Variants in SDR42E1 observed in about 807,000 individuals in gnomAD.
SDR42E1 encodes short-chain dehydrogenase/reductase family 42E member 1.
Under a neutral mutation model 2.6 loss-of-function variants are expected in SDR42E1, and 5 were observed. That is an observed-to-expected ratio of 1.94 (90% confidence interval 1.01 to 4.08). The LOEUF is 4.08. SDR42E1 is among the 30% of genes most tolerant of loss of function. The pLI is 0.00. For missense variants in SDR42E1, 596 were observed against 478.6 expected, an observed-to-expected ratio of 1.25 and a Z score of -2.29; for synonymous variants, 231 against 188.3, an observed-to-expected ratio of 1.23 and a Z score of -1.86.
At chr16:82,005,363 A>G (rs1912900176) in intron 1 of SDR42E1, among the ~76,000 whole-genome samples, 1 of 152,216 alleles carries the variant, frequency 6.6e-6, no homozygotes, top group African/African-American at 2.4e-5. Flanking sequence ...AAGAAAAATT[A>G]ATAACTTAAC....
rs1165058501 is a variant in SDR42E1 at position 81,988,997 on chromosome 16, T to C, written c.*10114A>G. ...AAAATCAGTTCACAATAACTTCTAATACATCTGTTATGAAAAATGCTTAAT... is the reference window on the plus strand; with the variant it reads ...AAAATCAGTTCACAATAACTTCTAACACATCTGTTATGAAAAATGCTTAAT... On this transcript the variant is annotated 3_prime_UTR_variant, in exon 3 of 3. Transcript: ENST00000328945. 6.6e-6 allele frequency: 1 copy of C among 152,236 alleles called. No individual in the cohort carries two copies. The highest frequency in any genetic ancestry group is 1.5e-5 in the Non-Finnish European group (1 of 68,042). 9.4% of individuals were successfully genotyped at this position (152,236 alleles called of 1,614,324 possible).
In SDR42E1 at chr16:82,000,815, C is replaced by T; in HGVS notation, c.44G>A (p.Gly15Glu). The change falls in exon 2 of 3, where the codon GGA becomes GAA. Residue 15 changes from glycine (G) to glutamate (E), a missense_variant. Gly to Glu is a moderately conservative substitution (Grantham distance 98). Coordinates refer to ENST00000328945, the MANE Select transcript of SDR42E1 (RefSeq NM_145168.3). ...RSQKESVLITGGSGYFGFRLG... is the reference protein window; with the variant it reads ...RSQKESVLITEGSGYFGFRLG... ...CCGAAAACCAAAATAGCCACTTCCT[C>T]CTGTAATGAGGACACTTTCCTTTTG... 1 of 1,613,860 alleles carries T rather than the reference C, an allele frequency of 6.2e-7. No individual in the cohort carries two copies. Among genetic ancestry groups the T allele is most frequent in the Non-Finnish European group, 8.5e-7 (1 of 1,179,922 alleles).
chr16:81,999,034 A>G lies in SDR42E1; in HGVS notation c.*77T>C. The stretch of plus-strand genomic sequence containing the variant: ...GAGCCAATGTTTGGCACCAGATATC[A>G]CTGTACACATTTTAAAACCCATGTT... On this transcript the variant is annotated 3_prime_UTR_variant, in exon 3 of 3. Coordinates refer to ENST00000328945, the MANE Select transcript of SDR42E1 (RefSeq NM_145168.3). 2 of 1,465,116 alleles carry G rather than the reference A, an allele frequency of 1.4e-6. No homozygotes were observed. Among genetic ancestry groups the G allele is most frequent in the Non-Finnish European group, 9.2e-7 (1 of 1,085,984 alleles). 90.8% of individuals were successfully genotyped at this position (1,465,116 alleles called of 1,614,324 possible). A position where few individuals can be genotyped will look rare whatever the true frequency, so the allele number is the denominator to read the frequency against.
chr16:82,004,174 T>C (rs10514521), intron 1 of SDR42E1, among the ~76,000 whole-genome samples: 9,586 of 152,092 alleles, frequency 0.063, 412 homozygotes, highest in Non-Finnish European at 0.087. Flanking sequence ...AATGTTGGTA[T>C]AAACAAAGTG....
At position 81,994,967 on chromosome 16, in the gene SDR42E1, C is replaced by T; in HGVS notation, c.*4144G>A. The T allele has an allele frequency of 6.6e-6, 1 of 152,184 alleles. No individual in the cohort carries two copies. The highest frequency in any genetic ancestry group is 1.9e-4 in the East Asian group (1 of 5,196). 9.4% of individuals were successfully genotyped at this position (152,184 alleles called of 1,614,324 possible). ...TTTGGTGCCAGAATGAGTTATTTGA[C>T]CCTCCACTAACTGTTACTGCTTGTA... On this transcript the variant is annotated 3_prime_UTR_variant, in exon 3 of 3. Transcript: ENST00000328945.
rs762958382 is a variant in SDR42E1, at chr16:82,000,183, A to C, written c.110T>G (p.Leu37Arg). The C allele has an allele frequency of 6.2e-7, 1 of 1,611,386 alleles. No homozygotes were observed. Reference sequence around the variant, plus strand: ...TTGAGCAGGGCTGCTGATGTCAAACAGAATCACATGGACTCCATTTTGGTT... The same window carrying C: ...TTGAGCAGGGCTGCTGATGTCAAACCGAATCACATGGACTCCATTTTGGTT... Reference protein sequence around the residue: ...ALNQNGVHVILFDISSPAQTI... With the variant: ...ALNQNGVHVIRFDISSPAQTI... Residue 37 changes from leucine to arginine, a missense_variant, in exon 3 of 3, where the codon CTG (leucine) becomes CGG (arginine). Physicochemically the swap from Leu to Arg is moderately radical, Grantham distance 102. Transcript: ENST00000328945.
In SDR42E1 at chr16:81,996,674, G is replaced by A. The variant is rs750906243; in HGVS notation, c.*2437C>T. The stretch of plus-strand genomic sequence containing the variant: ...AAATGGAGGCCATGGGCTTAGGTGA[G>A]CTCACCTAGGGAGAAAGTATGGTAT... On this transcript the variant is annotated 3_prime_UTR_variant, in exon 3 of 3. Coordinates refer to ENST00000328945, the MANE Select transcript of SDR42E1 (RefSeq NM_145168.3). The A allele has an allele frequency of 2.0e-5, 3 of 152,164 alleles. No individual in the cohort carries two copies. Among genetic ancestry groups the A allele is most frequent in the Admixed American group, 6.5e-5 (1 of 15,276 alleles). 9.4% of individuals were successfully genotyped at this position (152,164 alleles called of 1,614,324 possible).
intron 1 of SDR42E1, among the ~76,000 whole-genome samples, chr16:82,003,539 C>T (rs1048471833): frequency 2.0e-5 from 3 of 152,232 alleles, no homozygotes; most frequent in Non-Finnish European, 4.4e-5. Flanking sequence ...CTTTCCTTAT[C>T]TTGAAGATGC....
In SDR42E1 at chr16:81,993,731, C is replaced by T. The variant is rs959469860; in HGVS notation, c.*5380G>A. The T allele has an allele frequency of 6.6e-6, 1 of 152,154 alleles. No individual in the cohort carries two copies. The highest frequency in any genetic ancestry group is 2.4e-5 in the African/African-American group (1 of 41,416). 9.4% of individuals were successfully genotyped at this position (152,154 alleles called of 1,614,324 possible). ...ATGAAGGGTACAGAAGTAGAAAAAA[C>T]AGACATGGTTCCTGCTCTCATGGGG... On this transcript the variant is annotated 3_prime_UTR_variant, in exon 3 of 3. Coordinates refer to ENST00000328945, the MANE Select transcript of SDR42E1 (RefSeq NM_145168.3).
chr16:82,003,849 C>A (rs963155314), intron 1 of SDR42E1, among the ~76,000 whole-genome samples: 5 of 152,202 alleles, frequency 3.3e-5, no homozygotes, highest in African/African-American at 1.2e-4. Flanking sequence ...GAATCCAGAA[C>A]ATAGTAGATG....
chr16:82,010,588 G>A (rs1283835072), intron 1 of SDR42E1, among the ~76,000 whole-genome samples: 6 of 152,172 alleles, frequency 3.9e-5, no homozygotes, highest in East Asian at 1.9e-4. Flanking sequence ...TTCCTTTGGA[G>A]AGGCTAATCA....
intron 1 of SDR42E1, among the ~76,000 whole-genome samples, chr16:82,009,931 T>C (rs1031447973): frequency 6.6e-6 from 1 of 152,234 alleles, no homozygotes; most frequent in African/African-American, 2.4e-5. Context: ...GGGGTGGGTT[T>C]TTCCCATGCC....
intron 1 of SDR42E1, among the ~76,000 whole-genome samples, chr16:82,003,350 C>G (rs1193005186): frequency 2.0e-5 from 3 of 152,160 alleles, no homozygotes; most frequent in Non-Finnish European, 4.4e-5. Flanking sequence ...GCCATAAAAC[C>G]AAATGCAGTC....
chr16:82,000,993 G>C, intron 1 of SDR42E1, 109 bp from the exon 2 acceptor site: 4 of 666,122 alleles, frequency 6.0e-6, no homozygotes, highest in South Asian at 5.7e-5. Context: ...AGAATGAAAA[G>C]GTGAGGTCTG....
rs1437316956 is a variant in SDR42E1, at chr16:81,999,528, T to C, written c.765A>G (p.Ser255=). Residue 255 remains serine, a synonymous_variant, in exon 3 of 3, where the codon TCA becomes TCG. Coordinates refer to ENST00000328945, the MANE Select transcript of SDR42E1 (RefSeq NM_145168.3). The part of the protein sequence containing the change: ...HIASGQPYFI[S]DGRPVNNFEF... ...CAAAGTTGTTCACGGGTCTGCCATC[T>C]GAGATGAAGTAGGGCTGCCCAGAGG... is the stretch of plus-strand genomic sequence containing the variant. 2 of 1,614,060 alleles carry C rather than the reference T, an allele frequency of 1.2e-6. No individual in the cohort carries two copies. Among genetic ancestry groups the C allele is most frequent in the East Asian group, 2.2e-5 (1 of 44,898 alleles).
rs1912491745 is a variant in SDR42E1 at position 81,994,231 on chromosome 16, C to T, written c.*4880G>A. On this transcript the variant is annotated 3_prime_UTR_variant, in exon 3 of 3. Coordinates refer to ENST00000328945, the MANE Select transcript of SDR42E1 (RefSeq NM_145168.3). The stretch of plus-strand genomic sequence containing the variant: ...GTGTAGTCACCAGGACCTCCTCCCT[C>T]TCCATTTTTTGGCTCTTCTTAACAC... 6.6e-6 allele frequency: 1 copy of T among 152,256 alleles called. No homozygotes were observed. Among genetic ancestry groups the T allele is most frequent in the African/African-American group, 2.4e-5 (1 of 41,448 alleles). 9.4% of individuals were successfully genotyped at this position (152,256 alleles called of 1,614,324 possible). A position where few individuals can be genotyped will look rare whatever the true frequency, so the allele number is the denominator to read the frequency against.
At chr16:82,005,528 T>C (rs921957696) in intron 1 of SDR42E1, among the ~76,000 whole-genome samples, 1 of 152,180 alleles carries the variant, frequency 6.6e-6, no homozygotes, top group East Asian at 1.9e-4. Context: ...TTTGCAGACC[T>C]GCCCCCACCC....
In SDR42E1 at chr16:82,000,994, G is replaced by C. The variant is rs776573582; in HGVS notation, c.-26-110C>G. On this transcript the variant is annotated intron_variant, in intron 1 of 2. Coordinates refer to ENST00000328945, the MANE Select transcript of SDR42E1 (RefSeq NM_145168.3). Reference sequence around the variant, plus strand: ...CAATACGCTGTAGTAGAATGAAAAGGTGAGGTCTGGGTCTGGTCACAGCTG... The same window carrying C: ...CAATACGCTGTAGTAGAATGAAAAGCTGAGGTCTGGGTCTGGTCACAGCTG... 3 of 666,794 alleles carry C rather than the reference G, an allele frequency of 4.5e-6. No homozygotes were observed. The African/African-American group carries it at 5.5e-5, about 12-fold the overall frequency. 41.3% of individuals were successfully genotyped at this position (666,794 alleles called of 1,614,324 possible). A position where few individuals can be genotyped will look rare whatever the true frequency, so the allele number is the denominator to read the frequency against.
chr16:82,008,071 C>A (rs1913006367), intron 1 of SDR42E1, among the ~76,000 whole-genome samples: 1 of 152,154 alleles, frequency 6.6e-6, no homozygotes, highest in Non-Finnish European at 1.5e-5. Context: ...TAGTAAGTCC[C>A]ACAACATCTG....
Sources: gnomAD v4.1 joint callset for allele counts (sites outside exome capture counted in the v4.1 genomes callset) on GRCh38, gnomAD v4.1.1 for gene constraint, MANE v1.5 for transcripts, NCBI Gene and HGNC (gene_info 2026-07-23, HGNC 2026-07-21) for gene names.